TRIM2: variants seen among roughly 807,000 people sequenced by gnomAD.
TRIM2 encodes tripartite motif containing 2, also known as tripartite motif-containing protein 2.
In TRIM2, 20 loss-of-function variants were observed where a neutral mutation model predicts 75.2. The ratio of observed to expected loss-of-function variants is 0.27; its 90% confidence interval spans 0.19 to 0.39. TRIM2 has a LOEUF of 0.39. TRIM2 is among the 10% of genes least tolerant of loss of function. The pLI, the probability that TRIM2 is intolerant of heterozygous loss-of-function variation, is 1.00. For missense variants in TRIM2, 660 were observed against 990.8 expected (o/e 0.67, Z 4.48); for synonymous variants, 373 against 388.3 (o/e 0.96, Z 0.46).
chr4:153,335,701 A>ATAT lies in TRIM2; in HGVS notation c.*738_*740dup. The ATAT allele has an allele frequency of 1.0e-6, 1 of 985,610 alleles. No individual in the cohort carries two copies. Among genetic ancestry groups the ATAT allele is most frequent in the Non-Finnish European group, 1.2e-6 (1 of 829,944 alleles). 61.1% of individuals were successfully genotyped at this position (985,610 alleles called of 1,614,324 possible). A position where few individuals can be genotyped will look rare whatever the true frequency, so the allele number is the denominator to read the frequency against. On this transcript the variant is annotated 3_prime_UTR_variant, in exon 12 of 12. Coordinates refer to ENST00000338700, the MANE Select transcript of TRIM2 (RefSeq NM_015271.5). ...TGAAATTTCTAATGCCTTGAAAAGC[A>ATAT]TATTACAAAAGTAATGCTACCTTTT...
chr4:153,244,192 C>T (rs1393427888), intron 1 of TRIM2, among the ~76,000 whole-genome samples: 1 of 145,126 alleles, frequency 6.9e-6, no homozygotes, highest in African/African-American at 2.6e-5. Flanking sequence ...CCTCCTTCTT[C>T]TTCTCCTCCT....
chr4:153,277,200 G>C (rs1281481517), intron 3 of TRIM2, among the ~76,000 whole-genome samples: 1 of 152,180 alleles, frequency 6.6e-6, no homozygotes, highest in East Asian at 1.9e-4. Context: ...CCTCCTCGGG[G>C]CCTGGCTGTT....
chr4:153,280,161 A>G (rs1758959440), intron 3 of TRIM2, among the ~76,000 whole-genome samples: 1 of 150,242 alleles, frequency 6.7e-6, no homozygotes, highest in African/African-American at 2.5e-5. Flanking sequence ...ACAAAGAAAG[A>G]AAAGAACAGA....
At chr4:153,204,218 T>C (rs1734789915), upstream of TRIM2, among the ~76,000 whole-genome samples, 1 of 152,228 alleles carries the variant, frequency 6.6e-6, no homozygotes, top group African/African-American at 2.4e-5. Context: ...CTTTTCAACT[T>C]GGACGCTTTT....
intron 11 of TRIM2, among the ~76,000 whole-genome samples, chr4:153,331,414 G>GA (rs796095633): frequency 9.2e-5 from 14 of 152,138 alleles, no homozygotes; most frequent in African/African-American, 3.4e-4. Flanking sequence ...TAGAATCACT[G>GA]AAAAAATATA....
chr4:153,179,149 A>G (rs895037367), intron 1 of TRIM2, among the ~76,000 whole-genome samples: 2 of 152,148 alleles, frequency 1.3e-5, no homozygotes, highest in Non-Finnish European at 1.5e-5. Context: ...CACTCCAGCC[A>G]TTAATTAATT....
At chr4:153,275,261 T>G (rs573237773) in intron 2 of TRIM2, among the ~76,000 whole-genome samples, 30 of 152,220 alleles carry the variant, frequency 2.0e-4, no homozygotes, top group African/African-American at 7.2e-4. Context: ...AGTGACACAC[T>G]TCTTTAACTA....
At chr4:153,331,334 C>CA (rs1377467228) in intron 11 of TRIM2, among the ~76,000 whole-genome samples, 10 of 149,918 alleles carry the variant, frequency 6.7e-5, no homozygotes, top group Non-Finnish European at 1.3e-4. Flanking sequence ...TAAGAAAAAA[C>CA]AAAAAAAAAT....
At chr4:153,315,669 C>A in intron 7 of TRIM2, 81 bp downstream of exon 7, 1 of 1,438,592 alleles carries the variant, frequency 7.0e-7, no homozygotes, top group Non-Finnish European at 9.6e-7. Flanking sequence ...CTTTAGACTT[C>A]AGATACATGG....
chr4:153,221,888 AAGGAAGGAGGGAGGAAGGAAGGG>A (rs1740315412), intron 1 of TRIM2, among the ~76,000 whole-genome samples: 1 of 94,634 alleles, frequency 1.1e-5, no homozygotes, highest in Non-Finnish European at 2.2e-5. Context: ...AGGAGGAAGG[AAGGAAGGAGGGAGGAAGGAAGGG>A]AGGGAGGGAG....
chr4:153,235,232 C>T (rs537661312), intron 1 of TRIM2, among the ~76,000 whole-genome samples: 8 of 152,180 alleles, frequency 5.3e-5, no homozygotes, highest in African/African-American at 1.7e-4. Flanking sequence ...CACTCAAAGT[C>T]AGTTTGTTCC....
At chr4:153,332,241 CTG>C (rs1771628270) in intron 11 of TRIM2, among the ~76,000 whole-genome samples, 1 of 152,154 alleles carries the variant, frequency 6.6e-6, no homozygotes, top group Non-Finnish European at 1.5e-5. Context: ...AGGCAACAGA[CTG>C]AGAGAAAATA....
At chr4:153,302,467 T>C (rs955932723) in intron 6 of TRIM2, among the ~76,000 whole-genome samples, 9 of 152,294 alleles carry the variant, frequency 5.9e-5, no homozygotes, top group South Asian at 4.2e-4. Flanking sequence ...AGATAGGTGA[T>C]GGTAAGCTGT....
intron 1 of TRIM2, among the ~76,000 whole-genome samples, chr4:153,266,239 G>A (rs1755025792): frequency 6.6e-6 from 1 of 152,042 alleles, no homozygotes; most frequent in African/African-American, 2.4e-5. Context: ...GCATGCTAAC[G>A]GCTCATTGCA....
At position 153,335,169 on chromosome 4, in the gene TRIM2, C is replaced by G; in HGVS notation, c.*203C>G. Reference sequence around the variant, plus strand: ...TTCACCTTTAGGGTTAAAAAAAACTCTTCTACTGAATCTATAAAAACTGCA... The same window carrying G: ...TTCACCTTTAGGGTTAAAAAAAACTGTTCTACTGAATCTATAAAAACTGCA... On this transcript the variant is annotated 3_prime_UTR_variant, in exon 12 of 12. Coordinates refer to ENST00000338700, the MANE Select transcript of TRIM2 (RefSeq NM_015271.5). 7.9e-7 allele frequency: 1 copy of G among 1,258,740 alleles called. No individual in the cohort carries two copies. The highest frequency in any genetic ancestry group is 1.0e-6 in the Non-Finnish European group (1 of 1,000,320). The allele number at this position is 1,258,740 out of a possible 1,614,324, so 78.0% of individuals were successfully genotyped here.
chr4:153,190,558 G>A (rs1008117892), intron 1 of TRIM2, among the ~76,000 whole-genome samples: 1 of 152,008 alleles, frequency 6.6e-6, no homozygotes, highest in Non-Finnish European at 1.5e-5. Flanking sequence ...TATGGGGCCC[G>A]ACTCCAGAAT....
intron 3 of TRIM2, among the ~76,000 whole-genome samples, chr4:153,278,746 C>A (rs1436290571): frequency 6.7e-6 from 1 of 149,672 alleles, no homozygotes; most frequent in African/African-American, 2.5e-5. Flanking sequence ...TTCAGTGAGC[C>A]ATGATTGCGC....
intron 1 of TRIM2, among the ~76,000 whole-genome samples, chr4:153,159,203 C>CATACG (rs1729512210): frequency 6.6e-6 from 1 of 150,428 alleles, no homozygotes. Context: ...AACTTGTTCT[C>CATACG]AAGACCATAC....
intron 6 of TRIM2, among the ~76,000 whole-genome samples, 171 bp downstream of exon 6, chr4:153,296,207 C>T (rs191480822): frequency 2.0e-5 from 3 of 152,300 alleles, no homozygotes; most frequent in African/African-American, 4.8e-5. Context: ...ATGCAGTCTC[C>T]TCCAGAGATG....
Sources: gnomAD v4.1 joint callset for allele counts (sites outside exome capture counted in the v4.1 genomes callset) on GRCh38, gnomAD v4.1.1 for gene constraint, MANE v1.5 for transcripts, NCBI Gene and HGNC (gene_info 2026-07-23, HGNC 2026-07-21) for gene names.